Variants in PCCA observed in about 807,000 individuals in gnomAD.
The protein encoded by PCCA is propionyl-CoA carboxylase subunit alpha.
In PCCA, 74 loss-of-function variants were observed where a neutral mutation model predicts 101.3. The ratio of observed to expected loss-of-function variants is 0.73; its 90% CI spans 0.61 to 0.89. The LOEUF is 0.89. Ranked by LOEUF, PCCA falls within the 40% of genes least tolerant of loss-of-function variation. The pLI is 0.00. For missense variants in PCCA, 891 were observed against 907.0 expected, an observed-to-expected ratio of 0.98 and a Z score of 0.23; for synonymous variants, 294 against 313.6, an observed-to-expected ratio of 0.94 and a Z score of 0.66.
chr13:100,442,488 A>G (rs532882851), intron 20 of PCCA, among the ~76,000 whole-genome samples: 46 of 152,348 alleles, frequency 3.0e-4, no homozygotes, highest in East Asian at 1.3e-3. Flanking sequence ...CATTTTACAT[A>G]ATACAAAATT....
intron 8 of PCCA, among the ~76,000 whole-genome samples, chr13:100,239,167 T>C (rs1314328304): frequency 2.6e-5 from 4 of 152,198 alleles, no homozygotes; most frequent in Non-Finnish European, 5.9e-5. Flanking sequence ...ACTTTGGAAA[T>C]GTTGTTTCTA....
At chr13:100,262,488 A>G (rs996024124) in intron 9 of PCCA, among the ~76,000 whole-genome samples, 3 of 152,182 alleles carry the variant, frequency 2.0e-5, no homozygotes, top group African/African-American at 7.2e-5. Context: ...TAACTCATCC[A>G]TGGTCACAGA....
intron 1 of PCCA, among the ~76,000 whole-genome samples, chr13:100,098,358 AG>A (rs2046968541): frequency 6.6e-6 from 1 of 152,140 alleles, no homozygotes; most frequent in Admixed American, 6.5e-5. Flanking sequence ...TCCAGTGTGT[AG>A]TTTACTCTTA....
intron 19 of PCCA, among the ~76,000 whole-genome samples, chr13:100,398,029 T>C (rs891794937): frequency 1.3e-5 from 2 of 152,214 alleles, no homozygotes; most frequent in Non-Finnish European, 2.9e-5. Flanking sequence ...TTTAAATGTT[T>C]TTGTGATTAG....
chr13:100,279,343 C>G (rs1031327768), intron 12 of PCCA, among the ~76,000 whole-genome samples: 8 of 152,054 alleles, frequency 5.3e-5, no homozygotes, highest in African/African-American at 9.7e-5. Flanking sequence ...TAGAATGTAT[C>G]TGTGTGATAG....
intron 12 of PCCA, among the ~76,000 whole-genome samples, chr13:100,285,572 G>T (rs1022749601): frequency 1.8e-4 from 27 of 152,138 alleles, no homozygotes; most frequent in Non-Finnish European, 3.4e-4. Context: ...GACTACTCAT[G>T]ATGTAAATGG....
At chr13:100,412,441 C>T (rs1213495956) in intron 19 of PCCA, among the ~76,000 whole-genome samples, 3 of 151,900 alleles carry the variant, frequency 2.0e-5, no homozygotes, top group Non-Finnish European at 4.4e-5. Context: ...AATTGTTTTA[C>T]AAGAAACAAA....
At chr13:100,397,844 C>A (rs934682603) in intron 19 of PCCA, among the ~76,000 whole-genome samples, 2 of 152,134 alleles carry the variant, frequency 1.3e-5, no homozygotes, top group African/African-American at 4.8e-5. Context: ...GGAGATTAAA[C>A]ATAGCACAAT....
intron 21 of PCCA, among the ~76,000 whole-genome samples, chr13:100,513,707 G>T (rs888695987): frequency 6.6e-6 from 1 of 152,160 alleles, no homozygotes; most frequent in Non-Finnish European, 1.5e-5. Context: ...CTGAATTTAG[G>T]CTTCATATTT....
rs199637050 is a variant in PCCA, at chr13:100,231,143, TG to T, written c.601-4698del. ...CCCTCTTTAAAACTTGTACATAACATGCACCACATAATCATTCCTTAGCTGC... is the reference window on the plus strand; with the variant it reads ...CCCTCTTTAAAACTTGTACATAACATCACCACATAATCATTCCTTAGCTGC... On this transcript the variant is annotated intron_variant, in intron 7 of 23. Transcript: ENST00000376285. Among the ~76,000 whole-genome samples, 52 of 152,358 alleles carry T rather than the reference TG, an allele frequency of 3.4e-4. No individual in the cohort carries two copies. In the East Asian group the frequency reaches 9.5e-3, roughly 28 times the overall value.
intron 18 of PCCA, among the ~76,000 whole-genome samples, chr13:100,360,176 T>G (rs377656564): frequency 6.8e-6 from 1 of 146,410 alleles, no homozygotes; most frequent in African/African-American, 2.5e-5. Context: ...AACCCCCCCC[T>G]TTTTTTTTTC....
intron 10 of PCCA, 74 bp downstream of exon 10, chr13:100,262,905 C>A: frequency 2.7e-6 from 2 of 736,840 alleles, no homozygotes; most frequent in Admixed American, 1.9e-5. Flanking sequence ...ATTATCTTTT[C>A]TTCCATTTAG....
intron 16 of PCCA, among the ~76,000 whole-genome samples, chr13:100,319,404 C>T (rs1192013324): frequency 6.6e-6 from 1 of 152,132 alleles, no homozygotes; most frequent in African/African-American, 2.4e-5. Flanking sequence ...ACATGAAGTC[C>T]TTGCCCATGT....
intron 6 of PCCA, among the ~76,000 whole-genome samples, chr13:100,207,117 A>G (rs1594733110): frequency 6.6e-6 from 1 of 152,334 alleles, no homozygotes; most frequent in East Asian, 1.9e-4. Context: ...CTTTTGTAAT[A>G]GGTGCCCTAG....
rs2087971210 is a variant in PCCA, at chr13:100,527,771, A to G, written c.2118+19A>G. 9 of 1,582,534 alleles carry G rather than the reference A, an allele frequency of 5.7e-6. No individual in the cohort carries two copies. In the East Asian group the frequency reaches 1.8e-4, roughly 31 times the overall value. ...TGGCACGGTGAGTCCCTAAGTCCCC[A>G]TCAGCCCAGGCCGGCCCTGTGATGG... On this transcript the variant is annotated intron_variant, in intron 23 of 23. Coordinates refer to ENST00000376285, the MANE Select transcript of PCCA (RefSeq NM_000282.4).
chr13:100,416,433 C>T (rs1052610637), intron 19 of PCCA, among the ~76,000 whole-genome samples: 3 of 152,042 alleles, frequency 2.0e-5, no homozygotes, highest in East Asian at 1.9e-4. Flanking sequence ...CCGCCCGCCT[C>T]GGCCTCCCAA....
chr13:100,448,312 C>T (rs547547969), intron 20 of PCCA, among the ~76,000 whole-genome samples: 8 of 152,308 alleles, frequency 5.3e-5, no homozygotes, highest in Admixed American at 4.6e-4. Context: ...TCTGCCTTGG[C>T]CTCCCGAGTA....
intron 21 of PCCA, among the ~76,000 whole-genome samples, chr13:100,459,315 A>G (rs561498807): frequency 5.4e-4 from 82 of 152,370 alleles, no homozygotes; most frequent in East Asian, 2.3e-3. Flanking sequence ...TATTCAACCC[A>G]GTATGCTATA....
intron 19 of PCCA, among the ~76,000 whole-genome samples, chr13:100,395,379 T>G (rs540984289): frequency 1.3e-5 from 2 of 152,352 alleles, no homozygotes; most frequent in South Asian, 4.1e-4. Flanking sequence ...TTTCTGAAAC[T>G]CAGTGGCAAG....
Sources: gnomAD v4.1 joint callset for allele counts (sites outside exome capture counted in the v4.1 genomes callset) on GRCh38, gnomAD v4.1.1 for gene constraint, MANE v1.5 for transcripts, NCBI Gene and HGNC (gene_info 2026-07-23, HGNC 2026-07-21) for gene names.